The following TRDN variants were observed in gnomAD, a reference collection of about 807,000 sequenced individuals.
The protein encoded by TRDN is triadin, also known as triadin in skeletal muscle.
In TRDN, 161 loss-of-function variants were observed where a neutral mutation model predicts 149.7. The ratio of observed to expected loss-of-function variants is 1.08; its 90% confidence interval spans 0.95 to 1.23. The LOEUF (loss-of-function observed/expected upper bound fraction) is 1.23. Among genes scored for constraint, TRDN ranks in the 50% most tolerant of loss-of-function variants. The probability of loss-of-function intolerance (pLI) is 0.00; values close to 1 mark genes in which losing one functional copy is unlikely to be tolerated. For synonymous variants in TRDN, 294 were observed against 250.5 expected, an observed-to-expected ratio of 1.17 and a Z score of -1.64; for missense variants, 896 against 823.5, an observed-to-expected ratio of 1.09 and a Z score of -1.08.
intron 10 of TRDN, among the ~76,000 whole-genome samples, chr6:123,441,455 A>G (rs1216253457): frequency 6.6e-6 from 1 of 152,218 alleles, no homozygotes; most frequent in East Asian, 1.9e-4. Flanking sequence ...CAGGATGTGA[A>G]AGTATCAGAA....
At chr6:123,299,424 A>G (rs928365358) in intron 24 of TRDN, among the ~76,000 whole-genome samples, 4 of 152,086 alleles carry the variant, frequency 2.6e-5, no homozygotes, top group Non-Finnish European at 5.9e-5. Context: ...AACCAAGGAA[A>G]TGAGAATAGA....
chr6:123,370,427 ATTAACT>A (rs1052896757), intron 19 of TRDN, among the ~76,000 whole-genome samples: 5 of 152,210 alleles, frequency 3.3e-5, no homozygotes, highest in African/African-American at 1.2e-4. Context: ...GCTGTAGTTG[ATTAACT>A]TTAACTGCTG....
intron 9 of TRDN, among the ~76,000 whole-genome samples, chr6:123,473,074 A>G (rs1430764580): frequency 6.6e-6 from 1 of 152,246 alleles, no homozygotes; most frequent in Non-Finnish European, 1.5e-5. Context: ...CTCACCAGCA[A>G]TGGAACAAAG....
rs1053249861 is a variant in TRDN, at chr6:123,375,467, A to G, written c.1273+138T>C. The G allele has an allele frequency of 3.4e-5, 22 of 637,984 alleles. No individual in the cohort carries two copies. The Middle Eastern group carries it at 1.6e-3, about 46-fold the overall frequency. The allele number at this position is 637,984 out of a possible 1,614,324, so 39.5% of individuals were successfully genotyped here. ...AAAAGACAGGGATAAGTAATATTGC[A>G]TATTCAGCACAACAAATAATCATAC... On this transcript the variant is annotated intron_variant, in intron 19 of 40. Coordinates refer to ENST00000334268, the MANE Select transcript of TRDN (RefSeq NM_006073.4).
intron 13 of TRDN, among the ~76,000 whole-genome samples, chr6:123,389,762 A>C (rs1310635093): frequency 6.6e-6 from 1 of 152,180 alleles, no homozygotes. Context: ...ATGTGGTTTT[A>C]ACTAATAATA....
intron 38 of TRDN, among the ~76,000 whole-genome samples, chr6:123,240,988 T>C (rs1775969213): frequency 6.6e-6 from 1 of 151,908 alleles, no homozygotes; most frequent in Non-Finnish European, 1.5e-5. Flanking sequence ...AAAGCAAAGA[T>C]GCTATCAACA....
intron 14 of TRDN, among the ~76,000 whole-genome samples, chr6:123,387,910 C>T (rs1477146892): frequency 3.3e-5 from 5 of 152,114 alleles, no homozygotes; most frequent in Admixed American, 3.3e-4. Flanking sequence ...TTCAGTCTTG[C>T]TGCCTACAAG....
At chr6:123,499,490 G>A (rs1258663636) in intron 8 of TRDN, among the ~76,000 whole-genome samples, 1 of 150,924 alleles carries the variant, frequency 6.6e-6, no homozygotes. Flanking sequence ...GATCATTTGA[G>A]GTCAGGAGTT....
chr6:123,570,549 T>G (rs189921440), intron 2 of TRDN, among the ~76,000 whole-genome samples: 1 of 152,146 alleles, frequency 6.6e-6, no homozygotes, highest in Non-Finnish European at 1.5e-5. Context: ...TTTTGATTGG[T>G]TTGGTTTTAT....
At chr6:123,464,462 G>A in intron 10 of TRDN, 3 of 975,218 alleles carry the variant, frequency 3.1e-6, no homozygotes, top group Non-Finnish European at 3.7e-6. Flanking sequence ...TATCATCTTA[G>A]AGATGGCAAA....
chr6:123,605,806 T>C (rs1784505183), intron 1 of TRDN, among the ~76,000 whole-genome samples: 1 of 152,080 alleles, frequency 6.6e-6, no homozygotes, highest in Non-Finnish European at 1.5e-5. Context: ...ATTGCATTCC[T>C]GAAGAAATTA....
chr6:123,328,795 A>T (rs1167321571), intron 23 of TRDN, among the ~76,000 whole-genome samples: 1 of 152,146 alleles, frequency 6.6e-6, no homozygotes, highest in Non-Finnish European at 1.5e-5. Flanking sequence ...GTATCTGGTT[A>T]ATTGCATTGA....
At chr6:123,263,027 A>G (rs1431905518) in intron 33 of TRDN, among the ~76,000 whole-genome samples, 1 of 152,104 alleles carries the variant, frequency 6.6e-6, no homozygotes, top group Non-Finnish European at 1.5e-5. Flanking sequence ...ACCAAAAACT[A>G]GAAATGATTA....
rs1183773673 is a variant in TRDN, at chr6:123,425,273, GTGTGTA to G, written c.1051+12784_1051+12789del. Among the ~76,000 whole-genome samples the G allele has an allele frequency of 2.8e-4, 37 of 132,880 alleles. No individual in the cohort carries two copies. In the East Asian group the frequency reaches 4.8e-3, roughly 17 times the overall value. 87.2% of individuals were successfully genotyped at this position (132,880 alleles called of 152,430 possible). A position where few individuals can be genotyped will look rare whatever the true frequency, so the allele number is the denominator to read the frequency against. On this transcript the variant is annotated intron_variant, in intron 12 of 40. Coordinates refer to ENST00000334268, the MANE Select transcript of TRDN (RefSeq NM_006073.4). Reference sequence around the variant, plus strand: ...TGTGTGTGTGTGTGTGTGTGTGTGTGTGTGTATGTGTAGATGAGGGGTGTTGTTGTT... The same window carrying G: ...TGTGTGTGTGTGTGTGTGTGTGTGTGTGTGTAGATGAGGGGTGTTGTTGTT...
intron 2 of TRDN, among the ~76,000 whole-genome samples, chr6:123,551,342 T>TATATACACAC (rs1554256527): frequency 6.0e-4 from 85 of 141,200 alleles, no homozygotes; most frequent in African/African-American, 2.2e-3. Context: ...AAAACCTAAA[T>TATATACACAC]ACACACACAC....
Position 123,256,621 on chromosome 6 carries a change from A to T in TRDN, c.1871-719T>A, listed in dbSNP as rs1776572334. Among the ~76,000 whole-genome samples the T allele has an allele frequency of 2.6e-5, 4 of 151,148 alleles. No homozygotes were observed. The South Asian group carries it at 8.3e-4, about 32-fold the overall frequency. ...TAAAATATGTTTGCCTTCTTTTGAGAAGTGTCTGTTCATATCCTTCAACCA... is the reference window on the plus strand; with the variant it reads ...TAAAATATGTTTGCCTTCTTTTGAGTAGTGTCTGTTCATATCCTTCAACCA... On this transcript the variant is annotated intron_variant, in intron 35 of 40. Transcript: ENST00000334268.
At chr6:123,238,340 G>A (rs1775863831) in intron 38 of TRDN, among the ~76,000 whole-genome samples, 1 of 152,150 alleles carries the variant, frequency 6.6e-6, no homozygotes, top group South Asian at 2.1e-4. Flanking sequence ...TTGGAATTTA[G>A]ATGTTTTCAT....
chr6:123,570,851 G>A (rs1782536678), intron 2 of TRDN, 72 bp downstream of exon 2: 2 of 1,399,152 alleles, frequency 1.4e-6, no homozygotes, highest in South Asian at 1.2e-5. Context: ...AACCAAGCAG[G>A]AACTGGAGGG....
rs566050963 is a variant in TRDN at position 123,612,305 on chromosome 6, T to A, written c.22+24449A>T. 2.0e-4 allele frequency among the ~76,000 whole-genome samples: 29 copies of A among 147,124 alleles called. No homozygotes were observed. The South Asian group carries it at 2.5e-3, about 13-fold the overall frequency. ...GGATAGCATTAGGAGATATACCTAA[T>A]GCTAAATGATGAGTTAATGGGTGCA... On this transcript the variant is annotated intron_variant, in intron 1 of 40. Coordinates refer to ENST00000334268, the MANE Select transcript of TRDN (RefSeq NM_006073.4).
Sources: gnomAD v4.1 joint callset for allele counts (sites outside exome capture counted in the v4.1 genomes callset) on GRCh38, gnomAD v4.1.1 for gene constraint, MANE v1.5 for transcripts, NCBI Gene and HGNC (gene_info 2026-07-23, HGNC 2026-07-21) for gene names.